The following TTN variants were observed in gnomAD, a reference collection of about 807,000 sequenced individuals.
TTN encodes the protein connectin.
In TTN, 1,525 loss-of-function variants were observed where a neutral mutation model predicts 3,223.0. That is an observed-to-expected ratio of 0.47 (90% CI 0.45 to 0.49). TTN has a LOEUF of 0.49. Ranked by LOEUF, TTN falls within the 20% of genes least tolerant of loss-of-function variation. The pLI is 0.00. For synonymous variants in TTN, 14,094 were observed against 15,161.0 expected, an observed-to-expected ratio of 0.93 and a Z score of 5.17; for missense variants, 40,786 against 43,424.0, an observed-to-expected ratio of 0.94 and a Z score of 5.40.
chr2:178,767,941 A>G lies in TTN; in HGVS notation c.9306-17T>C. 6.2e-7 allele frequency: 1 copy of G among 1,614,082 alleles called. No homozygotes were observed. The highest frequency in any genetic ancestry group is 8.5e-7 in the Non-Finnish European group (1 of 1,179,988). On this transcript the variant is annotated splice_polypyrimidine_tract_variant and intron_variant, in intron 39 of 362. Coordinates refer to ENST00000589042, the MANE Select transcript of TTN (RefSeq NM_001267550.2). ...ATCTTTATTCTATGGATGAAATGGA[A>G]ATTCGAGTTTACCGTATGGTGATTC...
rs771309302 is a variant in TTN, at chr2:178,752,074, A to T, written c.11311+1050T>A. 5.1e-6 allele frequency: 8 copies of T among 1,563,946 alleles called. No individual in the cohort carries two copies. The Admixed American group carries it at 1.2e-4, about 23-fold the overall frequency. On this transcript the variant is annotated intron_variant, in intron 47 of 362. Coordinates refer to ENST00000589042, the MANE Select transcript of TTN (RefSeq NM_001267550.2). ...AAAAAAAAAACCTTTACTATTTTCCATAGAACTTGAAAAAGTTGAAAGTAA... is the reference window on the plus strand; with the variant it reads ...AAAAAAAAAACCTTTACTATTTTCCTTAGAACTTGAAAAAGTTGAAAGTAA...
chr2:178,675,846 G>A (rs1243277878), intron 148 of TTN, 75 bp downstream of exon 148: 24 of 1,543,368 alleles, frequency 1.6e-5, no homozygotes, highest in South Asian at 7.1e-5. Context: ...TAACAAATAC[G>A]GAAACAGGAC....
At chr2:178,643,960 C>T (rs1302513955) in intron 218 of TTN, among the ~76,000 whole-genome samples, 2 of 151,772 alleles carry the variant, frequency 1.3e-5, no homozygotes, top group African/African-American at 4.8e-5. Flanking sequence ...TTAGATGAGA[C>T]CTTATTAGGG....
intron 47 of TTN, chr2:178,749,018 A>G (rs569557819): frequency 3.7e-6 from 6 of 1,612,564 alleles, no homozygotes; most frequent in South Asian, 1.1e-5. Flanking sequence ...TTCAAATTCG[A>G]TAATTCTATG....
At position 178,549,851 on chromosome 2, in the gene TTN, A is replaced by G. The variant is rs886055231; in HGVS notation, c.91871T>C (p.Val30624Ala). The G allele has an allele frequency of 2.5e-6, 4 of 1,574,170 alleles. No homozygotes were observed. The Admixed American group carries it at 5.6e-5, about 22-fold the overall frequency. The change falls in exon 338 of 363, where the codon GTT becomes GCT. Residue 30624 changes from valine (V) to alanine (A), a missense_variant. Coordinates refer to ENST00000589042, the MANE Select transcript of TTN (RefSeq NM_001267550.2). ...AATATTGGTGAATCTTATTGGCCCA[A>G]CTACTTTTCCTGGTGTATCTATAAG... ...VKVQDTPGKV[V>A]GPIRFTNITG...
Position 178,704,762 on chromosome 2 carries a change from T to G in TTN, c.29710A>C (p.Lys9904Gln). ...AAAACTGTCTGATTTTCAATGTCCTTGATCAGAGTGACAGGCTAGGAGAAT... is the reference window on the plus strand; with the variant it reads ...AAAACTGTCTGATTTTCAATGTCCTGGATCAGAGTGACAGGCTAGGAGAAT... ...LSQTEPVTLI[K>Q]DIENQTVLKD... The change falls in exon 105 of 363, where the codon AAG becomes CAG. Residue 9904 changes from lysine to glutamine, a missense_variant. By Grantham distance (53) the Lys-to-Gln change is moderately conservative (BLOSUM62 1). Coordinates refer to ENST00000589042, the MANE Select transcript of TTN (RefSeq NM_001267550.2). The G allele has an allele frequency of 1.9e-6, 3 of 1,609,992 alleles. No individual in the cohort carries two copies. Among genetic ancestry groups the G allele is most frequent in the Non-Finnish European group, 2.5e-6 (3 of 1,179,144 alleles).
chr2:178,535,722 T>G lies in TTN; in HGVS notation c.100893A>C (p.Lys33631Asn). The G allele has an allele frequency of 6.2e-7, 1 of 1,613,810 alleles. No homozygotes were observed. Among genetic ancestry groups the G allele is most frequent in the Non-Finnish European group, 8.5e-7 (1 of 1,179,772 alleles). ...CATTATTGTCAATGAGATCTTGTCCTTTCTGCCAGGTGATCACAGGATCTG... is the reference window on the plus strand; with the variant it reads ...CATTATTGTCAATGAGATCTTGTCCGTTCTGCCAGGTGATCACAGGATCTG... ...GKPDPVITWQ[K>N]GQDLIDNNGH... Residue 33631 changes from lysine to asparagine, a missense_variant, in exon 358 of 363, where the codon AAA becomes AAC. Coordinates refer to ENST00000589042, the MANE Select transcript of TTN (RefSeq NM_001267550.2).
intron 3 of TTN, 26 bp from the exon 4 acceptor site, chr2:178,800,708 A>C: frequency 1.6e-5 from 26 of 1,595,068 alleles, no homozygotes; most frequent in Non-Finnish European, 2.2e-5. Context: ...AACAAAGTCA[A>C]GAGTGAGAGC....
At chr2:178,767,969 A>T in intron 39 of TTN, 45 bp from the exon 40 acceptor site, 1 of 1,614,124 alleles carries the variant, frequency 6.2e-7, no homozygotes, top group Non-Finnish European at 8.5e-7. Context: ...GGTGATTCAG[A>T]GGAAACTGGG....
chr2:178,728,896 A>T lies in TTN; in HGVS notation c.19142T>A (p.Val6381Glu), dbSNP rs983816997. 1 of 1,594,934 alleles carries T rather than the reference A, an allele frequency of 6.3e-7. No homozygotes were observed. Among genetic ancestry groups the T allele is most frequent in the Admixed American group, 1.7e-5 (1 of 58,434 alleles). ...AAAGAGAATAGCTTACAAACCTTGT[A>T]CTAAAAGGAAAGCATAACACCTCTC... ...GVERCYAFLLVQEPAQIVEKA... is the reference protein window; with the variant it reads ...GVERCYAFLLEQEPAQIVEKA... The change falls in exon 65 of 363, where the codon GTA becomes GAA. Residue 6381 changes from valine (V) to glutamate (E), a missense_variant. By Grantham distance (121) the Val-to-Glu change is moderately radical. Transcript: ENST00000589042.
intron 131 of TTN, 39 bp from the exon 132 acceptor site, chr2:178,684,452 G>A (rs1156824126): frequency 6.3e-7 from 1 of 1,591,570 alleles, no homozygotes; most frequent in South Asian, 1.1e-5. Context: ...TTATATCAAA[G>A]TGGACGTAAA....
rs371888765 is a variant in TTN at position 178,684,929 on chromosome 2, T to G, written c.32531A>C (p.Lys10844Thr). 1.7e-5 allele frequency: 27 copies of G among 1,608,666 alleles called. No homozygotes were observed. The highest frequency in any genetic ancestry group is 2.2e-5 in the Non-Finnish European group (26 of 1,177,248). The change falls in exon 130 of 363, where the codon AAG becomes ACG. Residue 10844 changes from lysine (K) to threonine (T), a missense_variant. By Grantham distance (78) the Lys-to-Thr change is moderately conservative. Coordinates refer to ENST00000589042, the MANE Select transcript of TTN (RefSeq NM_001267550.2). ...EKKVPAPVPK[K>T]EKVPPPKVPE... ...ACCTTTAGGTGGGGGCACCTTTTCC[T>G]TTTTAGGAACTGGAGCAGGAACTTT...
rs1248182667 is a variant in TTN, at chr2:178,616,587, G to T, written c.48204C>A (p.Thr16068=). 6.2e-7 allele frequency: 1 copy of T among 1,612,046 alleles called. No homozygotes were observed. The highest frequency in any genetic ancestry group is 8.5e-7 in the Non-Finnish European group (1 of 1,178,952). The stretch of plus-strand genomic sequence containing the variant: ...CCCAAGTCAAATGTACTGAGTCCTT[G>T]GTTATATCACCAAATTTCAATTCTT... ...APKELKFGDI[T]KDSVHLTWEP... The change falls in exon 257 of 363, where the codon ACC becomes ACA. Residue 16068 remains threonine, a synonymous_variant. Transcript: ENST00000589042.
At chr2:178,733,557 T>A (rs1428368965) in intron 53 of TTN, 40 bp from the exon 54 acceptor site, 2 of 1,597,710 alleles carry the variant, frequency 1.3e-6, no homozygotes, top group Non-Finnish European at 1.7e-6. Flanking sequence ...AAATGCTTGT[T>A]AGGGTTTCAC....
Position 178,547,322 on chromosome 2 carries a change from G to A in TTN, c.94220-17C>T. 6.3e-7 allele frequency: 1 copy of A among 1,586,272 alleles called. No homozygotes were observed. The highest frequency in any genetic ancestry group is 1.2e-5 in the South Asian group (1 of 86,028). On this transcript the variant is annotated splice_polypyrimidine_tract_variant and intron_variant, in intron 339 of 362. Coordinates refer to ENST00000589042, the MANE Select transcript of TTN (RefSeq NM_001267550.2). ...TTGGTGGGACTAAATATAAACAAAGGTATTAAGTATGAATACAATTTTATA... is the reference window on the plus strand; with the variant it reads ...TTGGTGGGACTAAATATAAACAAAGATATTAAGTATGAATACAATTTTATA...
chr2:178,531,654 C>T lies in TTN; in HGVS notation c.104961G>A (p.Lys34987=), dbSNP rs761971017. The change falls in exon 358 of 363, where the codon AAG becomes AAA. Residue 34987 remains lysine (K), a synonymous_variant. Coordinates refer to ENST00000589042, the MANE Select transcript of TTN (RefSeq NM_001267550.2). ...HNGVELQESS[K]IHYTNTSGVL... ...CTCCACTCGTGTTGGTGTAATGAAT[C>T]TTACTGCTTTCTTGGAGTTCCACAC... 1.2e-6 allele frequency: 2 copies of T among 1,613,878 alleles called. No homozygotes were observed. The highest frequency in any genetic ancestry group is 1.7e-6 in the Non-Finnish European group (2 of 1,179,870).
chr2:178,744,383 G>T, intron 47 of TTN: 3 of 984,376 alleles, frequency 3.0e-6, no homozygotes, highest in Non-Finnish European at 3.6e-6. Flanking sequence ...AGGTCTTTTG[G>T]TCCTACCCTT....
In TTN at chr2:178,632,766, G is replaced by T; in HGVS notation, c.43240C>A (p.Leu14414Ile). Residue 14414 changes from leucine (L) to isoleucine (I), a missense_variant, in exon 235 of 363, where the codon CTC (leucine) becomes ATC (isoleucine). Transcript: ENST00000589042. The stretch of plus-strand genomic sequence containing the variant: ...TTCTCGAAGACTTTAACATCACTGA[G>T]AGGTGTGATGAAGATAAGAGGCAAT... ...KELPLIFITP[L>I]SDVKVFEKDE... The T allele has an allele frequency of 6.2e-7, 1 of 1,613,018 alleles. No homozygotes were observed. Among genetic ancestry groups the T allele is most frequent in the South Asian group, 1.1e-5 (1 of 91,056 alleles).
At position 178,678,803 on chromosome 2, in the gene TTN, G is replaced by A. The variant is rs1303060690; in HGVS notation, c.33770C>T (p.Pro11257Leu). The part of the protein sequence containing the change: ...KVPEVPKKPV[P>L]EEKVPVPVPK... ...AACTGGTACTGGTACTTTCTCCTCT[G>A]GCACAGGTTTCTTGGGCACTTCAGG... Residue 11257 changes from proline (P) to leucine (L), a missense_variant, in exon 143 of 363, where the codon CCA becomes CTA. Physicochemically the swap from Pro to Leu is moderately conservative, Grantham distance 98. Coordinates refer to ENST00000589042, the MANE Select transcript of TTN (RefSeq NM_001267550.2). 6.2e-7 allele frequency: 1 copy of A among 1,602,506 alleles called. No individual in the cohort carries two copies. Among genetic ancestry groups the A allele is most frequent in the African/African-American group, 1.4e-5 (1 of 73,990 alleles).
Sources: gnomAD v4.1 joint callset for allele counts (sites outside exome capture counted in the v4.1 genomes callset) on GRCh38, gnomAD v4.1.1 for gene constraint, MANE v1.5 for transcripts, NCBI Gene and HGNC (gene_info 2026-07-23, HGNC 2026-07-21) for gene names.